Variants in MAST3 observed in about 807,000 individuals in gnomAD.
The protein encoded by MAST3 is microtubule-associated serine/threonine-protein kinase 3.
Under a neutral mutation model 127.0 loss-of-function variants are expected in MAST3, and 43 were observed. That is an observed-to-expected ratio of 0.34 (90% CI 0.27 to 0.44). The LOEUF is 0.44. Among genes scored for constraint, MAST3 ranks in the 20% least tolerant of loss-of-function variants. The pLI, the probability that MAST3 is intolerant of heterozygous loss-of-function variation, is 1.00. For synonymous variants in MAST3, 785 were observed against 809.2 expected, an observed-to-expected ratio of 0.97 and a Z score of 0.51; for missense variants, 1,390 against 1,919.1, an observed-to-expected ratio of 0.72 and a Z score of 5.15.
chr19:18,113,963 GATCCTC>G (rs2038943862), intron 3 of MAST3, among the ~76,000 whole-genome samples: 1 of 152,190 alleles, frequency 6.6e-6, no homozygotes, highest in Non-Finnish European at 1.5e-5. Flanking sequence ...CCACATGGCT[GATCCTC>G]CAGAATGCAG....
In MAST3 at chr19:18,149,564, G is replaced by T; in HGVS notation, c.3882G>T (p.Leu1294=). ...AELVVMRRLH[L]SERRDSFKKQ... ...TCGTGGTCATGCGGCGGCTGCACCT[G>T]TCCGAGCGCCGAGACTCCTTCAAGA... Residue 1294 remains leucine, a synonymous_variant, in exon 28 of 28, where the codon CTG becomes CTT. Coordinates refer to ENST00000687212, the MANE Select transcript of MAST3 (RefSeq NM_001393504.1). This position sits in a 1 kb window ranked among gnomAD's most constrained non-coding sequence, Gnocchi z 5.9. 1 of 1,590,610 alleles carries T rather than the reference G, an allele frequency of 6.3e-7. No individual in the cohort carries two copies. Among genetic ancestry groups the T allele is most frequent in the Middle Eastern group, 1.7e-4 (1 of 6,028 alleles).
Position 18,149,277 on chromosome 19 carries a change from C to T in MAST3, c.3595C>T (p.Leu1199=). 1 of 1,546,714 alleles carries T rather than the reference C, an allele frequency of 6.5e-7. No homozygotes were observed. Among genetic ancestry groups the T allele is most frequent in the South Asian group, 1.2e-5 (1 of 83,048 alleles). Residue 1199 remains leucine, a synonymous_variant, in exon 28 of 28, where the codon CTG becomes TTG. Coordinates refer to ENST00000687212, the MANE Select transcript of MAST3 (RefSeq NM_001393504.1). The surrounding 1 kb of genome is among the most constrained non-coding windows in gnomAD (Gnocchi z 5.9). The part of the protein sequence containing the change: ...AAAGHTRPSS[L]HGLAAKLGPP... Reference sequence around the variant, plus strand: ...TGCTGGCCACACCCGCCCCAGCTCCCTGCACGGCCTGGCTGCCAAGCTTGG... The same window carrying T: ...TGCTGGCCACACCCGCCCCAGCTCCTTGCACGGCCTGGCTGCCAAGCTTGG...
Position 18,116,660 on chromosome 19 carries a change from G to A in MAST3, c.162-5025G>A, listed in dbSNP as rs1301353694. The stretch of plus-strand genomic sequence containing the variant: ...CAAGGTGGCTCACGCCTGTAATCCC[G>A]GCACTTTGGGAGGCCAAGGCGGGAG... On this transcript the variant is annotated intron_variant, in intron 3 of 27. Coordinates refer to ENST00000687212, the MANE Select transcript of MAST3 (RefSeq NM_001393504.1). Among the ~76,000 whole-genome samples, 6 of 135,762 alleles carry A rather than the reference G, an allele frequency of 4.4e-5. No homozygotes were observed. The East Asian group carries it at 1.6e-3, about 36-fold the overall frequency. 89.1% of individuals were successfully genotyped at this position (135,762 alleles called of 152,430 possible).
intron 11 of MAST3, among the ~76,000 whole-genome samples, chr19:18,126,464 C>T (rs1309407679): frequency 6.6e-6 from 1 of 152,164 alleles, no homozygotes; most frequent in Non-Finnish European, 1.5e-5. Flanking sequence ...GACTGACCTG[C>T]CACTGTCCCC....
At position 18,123,647 on chromosome 19, in the gene MAST3, T is replaced by A. The variant is rs1599752131; in HGVS notation, c.625T>A (p.Phe209Ile). The change falls in exon 8 of 28, where the codon TTC becomes ATC. Residue 209 changes from phenylalanine (F) to isoleucine (I), a missense_variant. Coordinates refer to ENST00000687212, the MANE Select transcript of MAST3 (RefSeq NM_001393504.1). ...VMMNHVYRER[F>I]PKATAQMEGR... Reference sequence around the variant, plus strand: ...GATGAATCACGTGTACCGGGAGAGGTTCCCCAAGGTGGGCAGCGCCTGGCG... The same window carrying A: ...GATGAATCACGTGTACCGGGAGAGGATCCCCAAGGTGGGCAGCGCCTGGCG... 1.3e-6 allele frequency: 2 copies of A among 1,579,934 alleles called. No individual in the cohort carries two copies. Among genetic ancestry groups the A allele is most frequent in the Non-Finnish European group, 1.7e-6 (2 of 1,164,154 alleles).
intron 6 of MAST3, 121 bp from the exon 7 acceptor site, chr19:18,123,096 G>A: frequency 9.4e-7 from 1 of 1,062,562 alleles, no homozygotes; most frequent in Admixed American, 1.8e-5. Flanking sequence ...AGCTAGGCAG[G>A]AGAAAGGATG....
intron 3 of MAST3, among the ~76,000 whole-genome samples, chr19:18,115,240 C>A (rs1015079301): frequency 6.6e-6 from 1 of 152,054 alleles, no homozygotes; most frequent in African/African-American, 2.4e-5. Context: ...GCAGCAGGCC[C>A]TCTGGATTGT....
Position 18,131,926 on chromosome 19 carries a change from C to A in MAST3, c.1450C>A (p.Leu484Ile). The A allele has an allele frequency of 1.2e-6, 2 of 1,604,356 alleles. No individual in the cohort carries two copies. The highest frequency in any genetic ancestry group is 1.7e-6 in the Non-Finnish European group (2 of 1,175,854). ...EYVEGGDCAT[L>I]LKNMGPLPVD... Reference sequence around the variant, plus strand: ...TCTCCCAGGCGGCGACTGCGCCACGCTCCTGAAGAACATGGGCCCGCTGCC... The same window carrying A: ...TCTCCCAGGCGGCGACTGCGCCACGATCCTGAAGAACATGGGCCCGCTGCC... The change falls in exon 15 of 28, where the codon CTC becomes ATC. Residue 484 changes from leucine (L) to isoleucine (I), a missense_variant. Physicochemically the swap from Leu to Ile is conservative, Grantham distance 5. This residue lies in a region of MAST3 where 191 missense variants were observed against 409.0 expected (regional missense o/e 0.47). Coordinates refer to ENST00000687212, the MANE Select transcript of MAST3 (RefSeq NM_001393504.1).
chr19:18,144,944 A>G lies in MAST3; in HGVS notation c.2813-59A>G, dbSNP rs2042880714. On this transcript the variant is annotated intron_variant, in intron 23 of 27. Transcript: ENST00000687212. The surrounding 1 kb of genome is among the most constrained non-coding windows in gnomAD (Gnocchi z 4.0). ...CAGGGTGGTCGTTGTGGTGGGAAAG[A>G]GGGGGCCCCAGGGGAGACCTGTGAG... is the stretch of plus-strand genomic sequence containing the variant. 1 of 986,408 alleles carries G rather than the reference A, an allele frequency of 1.0e-6. No homozygotes were observed. Among genetic ancestry groups the G allele is most frequent in the Non-Finnish European group, 1.6e-6 (1 of 638,332 alleles). 61.1% of individuals were successfully genotyped at this position (986,408 alleles called of 1,614,324 possible).
chr19:18,144,763 C>T lies in MAST3; in HGVS notation c.2812+70C>T. 1.5e-5 allele frequency: 23 copies of T among 1,537,518 alleles called. No homozygotes were observed. Among genetic ancestry groups the T allele is most frequent in the Non-Finnish European group, 2.0e-5 (23 of 1,124,940 alleles). On this transcript the variant is annotated intron_variant, in intron 23 of 27. Coordinates refer to ENST00000687212, the MANE Select transcript of MAST3 (RefSeq NM_001393504.1). The surrounding 1 kb of genome is among the most constrained non-coding windows in gnomAD (Gnocchi z 4.0). Reference sequence around the variant, plus strand: ...TTCACCAACAGGGTGGGGGCCCTTCCTGAGTTGGGGAGGCTGGGGATGAGC... The same window carrying T: ...TTCACCAACAGGGTGGGGGCCCTTCTTGAGTTGGGGAGGCTGGGGATGAGC...
At chr19:18,126,253 G>A (rs1261762673) in intron 11 of MAST3, among the ~76,000 whole-genome samples, 1 of 151,800 alleles carries the variant, frequency 6.6e-6, no homozygotes, top group South Asian at 2.1e-4. Context: ...TCCACAAATA[G>A]CCAGGATAAG....
chr19:18,099,090 T>C, intron 1 of MAST3: 1 of 194,316 alleles, frequency 5.1e-6, no homozygotes, highest in Non-Finnish European at 1.1e-5. Context: ...GGTCGGGGAC[T>C]GAGGTTAGCT....
chr19:18,127,351 G>A (rs952726305), intron 11 of MAST3, among the ~76,000 whole-genome samples: 4 of 151,296 alleles, frequency 2.6e-5, no homozygotes, highest in Non-Finnish European at 5.9e-5. Context: ...AGTTTGAGAC[G>A]AGCCTGGCCA....
At chr19:18,114,740 T>C (rs539102933) in intron 3 of MAST3, among the ~76,000 whole-genome samples, 3 of 152,220 alleles carry the variant, frequency 2.0e-5, no homozygotes, top group Admixed American at 6.5e-5. Context: ...AAGAAGGCCA[T>C]GAGTTGGGCG....
At chr19:18,125,574 C>T (rs1448731131) in intron 11 of MAST3, among the ~76,000 whole-genome samples, 1 of 151,828 alleles carries the variant, frequency 6.6e-6, no homozygotes, top group Non-Finnish European at 1.5e-5. Flanking sequence ...AACCCCATCT[C>T]TACTAAAGAT....
Position 18,145,697 on chromosome 19 carries a change from ATGTGGGGCCCAGG to A in MAST3, c.3040-45_3040-33del. The A allele has an allele frequency of 6.6e-7, 1 of 1,517,160 alleles. No homozygotes were observed. The highest frequency in any genetic ancestry group is 8.8e-7 in the Non-Finnish European group (1 of 1,137,634). The allele number at this position is 1,517,160 out of a possible 1,614,324, so 94.0% of individuals were successfully genotyped here. A position where few individuals can be genotyped will look rare whatever the true frequency, so the allele number is the denominator to read the frequency against. ...ACCCAGCCTGGGCTGGGGTCCCCAG[ATGTGGGGCCCAGG>A]CCATTGACCCCACCGTTCTCGTCTG... On this transcript the variant is annotated intron_variant, in intron 24 of 27. Transcript: ENST00000687212. This position sits in a 1 kb window ranked among gnomAD's most constrained non-coding sequence, Gnocchi z 5.9.
At chr19:18,118,072 C>T (rs947314875) in intron 3 of MAST3, 16 of 984,808 alleles carry the variant, frequency 1.6e-5, no homozygotes, top group East Asian at 2.3e-4. Flanking sequence ...CGCCCCCCTC[C>T]CTGTCCGGCT....
intron 1 of MAST3, among the ~76,000 whole-genome samples, chr19:18,104,107 G>A (rs935825333): frequency 7.2e-6 from 1 of 138,686 alleles, no homozygotes; most frequent in Admixed American, 8.1e-5. Flanking sequence ...AGCTACTCTG[G>A]AGGCGGAGGT....
At chr19:18,123,828 C>T (rs1480032029) in intron 8 of MAST3, 111 bp from the exon 9 acceptor site, 34 of 1,089,356 alleles carry the variant, frequency 3.1e-5, no homozygotes, top group Middle Eastern at 2.9e-4. Context: ...CCCACCCGAT[C>T]GCCCCATTGC....
Sources: gnomAD v4.1 joint callset for allele counts (sites outside exome capture counted in the v4.1 genomes callset) on GRCh38, gnomAD v4.1.1 for gene constraint, gnomAD v4.1.1 regional missense constraint, Gnocchi (gnomAD v3.1) non-coding constraint, MANE v1.5 for transcripts, NCBI Gene and HGNC (gene_info 2026-07-23, HGNC 2026-07-21) for gene names.